The following PPP1R11 variants were observed in gnomAD, a reference collection of about 807,000 sequenced individuals.
The protein encoded by PPP1R11 is protein phosphatase 1 regulatory inhibitor subunit 11, also known as E3 ubiquitin-protein ligase PPP1R11.
Under a neutral mutation model 11.3 loss-of-function variants are expected in PPP1R11, and 10 were observed. That is an observed-to-expected ratio of 0.88 (90% CI 0.55 to 1.50). The LOEUF (loss-of-function observed/expected upper bound fraction) is 1.50. Ranked by LOEUF, PPP1R11 falls within the 40% of genes most tolerant of loss-of-function variation. The probability of loss-of-function intolerance (pLI) is 0.00; values close to 1 mark genes in which losing one functional copy is unlikely to be tolerated. For missense variants in PPP1R11, 114 were observed against 179.1 expected (o/e 0.64, Z 2.07); for synonymous variants, 56 against 62.3 (o/e 0.90, Z 0.48).
At chr6:30,068,430 G>A in intron 1 of PPP1R11, 160 bp from the exon 2 acceptor site, 1 of 547,842 alleles carries the variant, frequency 1.8e-6, no homozygotes, top group Non-Finnish European at 3.2e-6. Flanking sequence ...GACTATCTGA[G>A]GTAAAAGACC....
chr6:30,067,319 T>C lies in PPP1R11; in HGVS notation c.-92T>C. 7.4e-7 allele frequency: 1 copy of C among 1,350,196 alleles called. No individual in the cohort carries two copies. The highest frequency in any genetic ancestry group is 1.2e-5 in the South Asian group (1 of 81,834). 83.6% of individuals were successfully genotyped at this position (1,350,196 alleles called of 1,614,324 possible). A position where few individuals can be genotyped will look rare whatever the true frequency, so the allele number is the denominator to read the frequency against. On this transcript the variant is annotated 5_prime_UTR_variant, in exon 1 of 3. Transcript: ENST00000376772. The stretch of plus-strand genomic sequence containing the variant: ...GGAGGATCCTGGCTACCACTCTGAA[T>C]CCGATACCGCTTCTCTTAGACCTCA...
upstream of PPP1R11, among the ~76,000 whole-genome samples, chr6:30,062,608 C>T (rs9261272): frequency 0.16 from 20,211 of 123,824 alleles, 1,989 homozygotes; most frequent in Middle Eastern, 0.3. Flanking sequence ...TGGAGTGCAG[C>T]GAGGCAATCT....
Position 30,067,409 on chromosome 6 carries a change from C to T in PPP1R11, c.-2C>T. 6.2e-7 allele frequency: 1 copy of T among 1,614,006 alleles called. No individual in the cohort carries two copies. Among genetic ancestry groups the T allele is most frequent in the Non-Finnish European group, 8.5e-7 (1 of 1,179,870 alleles). ...CTCTCCTCCCTGTCCTGAGCCTTAG[C>T]CATGGCCGAGGCAGGGGCTGGGCTG... On this transcript the variant is annotated 5_prime_UTR_variant, in exon 1 of 3. Coordinates refer to ENST00000376772, the MANE Select transcript of PPP1R11 (RefSeq NM_021959.3).
At chr6:30,063,262 G>A (rs1292057699), upstream of PPP1R11, among the ~76,000 whole-genome samples, 1 of 151,818 alleles carries the variant, frequency 6.6e-6, no homozygotes, top group Admixed American at 6.6e-5. This position sits in a 1 kb window ranked among gnomAD's most constrained non-coding sequence, Gnocchi z 4.1. Context: ...ACTAGAAAGA[G>A]GTTTCTCTCT....
At chr6:30,061,971 C>T (rs568420351), upstream of PPP1R11, 23 of 1,613,058 alleles carry the variant, frequency 1.4e-5, no homozygotes, top group South Asian at 2.5e-4. This position sits in a 1 kb window ranked among gnomAD's most constrained non-coding sequence, Gnocchi z 5.0. Flanking sequence ...CTGGGGACAG[C>T]CATGCCTATG....
upstream of PPP1R11, chr6:30,064,669 A>C (rs368173908): frequency 1.2e-6 from 2 of 1,607,428 alleles, no homozygotes; most frequent in African/African-American, 2.7e-5. Flanking sequence ...TTCTTTCCTC[A>C]TAGGTTCCAG....
Position 30,069,371 on chromosome 6 carries a change from C to A in PPP1R11, c.*65C>A. 8.2e-7 allele frequency: 1 copy of A among 1,214,820 alleles called. No individual in the cohort carries two copies. The highest frequency in any genetic ancestry group is 1.1e-6 in the Non-Finnish European group (1 of 870,334). The allele number at this position is 1,214,820 out of a possible 1,614,324, so 75.3% of individuals were successfully genotyped here. A position where few individuals can be genotyped will look rare whatever the true frequency, so the allele number is the denominator to read the frequency against. On this transcript the variant is annotated 3_prime_UTR_variant, in exon 3 of 3. Coordinates refer to ENST00000376772, the MANE Select transcript of PPP1R11 (RefSeq NM_021959.3). This position sits in a 1 kb window ranked among gnomAD's most constrained non-coding sequence, Gnocchi z 6.6. ...TAAATGTATCCATGTGGCTACTTCT[C>A]CAGCCCCCTCCTTCCCTCTCTTCTG...
intron 1 of PPP1R11, 150 bp downstream of exon 1, chr6:30,067,629 T>C: frequency 3.2e-6 from 3 of 930,578 alleles, no homozygotes; most frequent in East Asian, 2.6e-5. Flanking sequence ...TCGGAAGGTA[T>C]TGGAGCTATT....
In PPP1R11 at chr6:30,069,059, CTT is replaced by C. The variant is rs766792952; in HGVS notation, c.179-44_179-43del. 6.6e-7 allele frequency: 1 copy of C among 1,511,898 alleles called. No individual in the cohort carries two copies. Among genetic ancestry groups the C allele is most frequent in the South Asian group, 1.1e-5 (1 of 88,734 alleles). The allele number at this position is 1,511,898 out of a possible 1,614,324, so 93.7% of individuals were successfully genotyped here. A position where few individuals can be genotyped will look rare whatever the true frequency, so the allele number is the denominator to read the frequency against. On this transcript the variant is annotated intron_variant, in intron 2 of 2. Transcript: ENST00000376772. The surrounding 1 kb of genome is among the most constrained non-coding windows in gnomAD (Gnocchi z 6.6). ...AGTGGGAATGGAACTGACTATATAT[CTT>C]ACCCTTCCTCCTCTTTAACTGGGCT...
At chr6:30,062,714 CTTTTTTTTTTT>C (rs9278555), upstream of PPP1R11, among the ~76,000 whole-genome samples, 20 of 42,378 alleles carry the variant, frequency 4.7e-4, no homozygotes, top group Middle Eastern at 0.015. Flanking sequence ...CCACGCCTGG[CTTTTTTTTTTT>C]TTTTTTTTTT....
At chr6:30,062,301 G>A, upstream of PPP1R11, 2 of 1,612,906 alleles carry the variant, frequency 1.2e-6, no homozygotes, top group Middle Eastern at 1.6e-4. Flanking sequence ...CCGATGAAGG[G>A]CAAACTGTCT....
At chr6:30,062,408 G>T (rs1250228429), upstream of PPP1R11, 2 of 1,011,444 alleles carry the variant, frequency 2.0e-6, no homozygotes. Context: ...TTTTTTGTAC[G>T]AAATGGCCGT....
In PPP1R11 at chr6:30,069,520, C is replaced by A; in HGVS notation, c.*214C>A. The A allele has an allele frequency of 2.1e-6, 1 of 478,470 alleles. No individual in the cohort carries two copies. The highest frequency in any genetic ancestry group is 3.7e-6 in the Non-Finnish European group (1 of 272,510). The allele number at this position is 478,470 out of a possible 1,614,324, so 29.6% of individuals were successfully genotyped here. ...ATTTTTCCTCCCAATACCCACCCTT[C>A]TCTCTCGAGGGATCTAGGCACCTTG... On this transcript the variant is annotated 3_prime_UTR_variant, in exon 3 of 3. Transcript: ENST00000376772. This position sits in a 1 kb window ranked among gnomAD's most constrained non-coding sequence, Gnocchi z 6.6.
chr6:30,065,544 C>T (rs747009782), upstream of PPP1R11, among the ~76,000 whole-genome samples: 6 of 151,266 alleles, frequency 4.0e-5, no homozygotes, highest in Non-Finnish European at 7.4e-5. This position sits in a 1 kb window ranked among gnomAD's most constrained non-coding sequence, Gnocchi z 5.3. Flanking sequence ...TGTTAATCAA[C>T]GGTTTATGTT....
upstream of PPP1R11, among the ~76,000 whole-genome samples, chr6:30,064,132 T>A (rs930113656): frequency 1.3e-5 from 2 of 152,182 alleles, no homozygotes; most frequent in African/African-American, 4.8e-5. Flanking sequence ...ATAGGGACAT[T>A]AGTTTTAACT....
chr6:30,062,117 G>C, upstream of PPP1R11: 1 of 1,455,828 alleles, frequency 6.9e-7, no homozygotes, highest in Non-Finnish European at 9.6e-7. Flanking sequence ...AATTCCAAGA[G>C]GGAAAAGAGA....
upstream of PPP1R11, chr6:30,062,172 G>A (rs939122720): frequency 3.1e-5 from 46 of 1,498,732 alleles, no homozygotes; most frequent in Middle Eastern, 8.5e-4. Flanking sequence ...TGATTCCTGT[G>A]GGAAGTAAGG....
Position 30,069,478 on chromosome 6 carries a change from G to T in PPP1R11, c.*172G>T. 1.8e-6 allele frequency: 1 copy of T among 570,060 alleles called. No individual in the cohort carries two copies. Among genetic ancestry groups the T allele is most frequent in the Non-Finnish European group, 2.9e-6 (1 of 342,712 alleles). 35.3% of individuals were successfully genotyped at this position (570,060 alleles called of 1,614,324 possible). On this transcript the variant is annotated 3_prime_UTR_variant, in exon 3 of 3. Coordinates refer to ENST00000376772, the MANE Select transcript of PPP1R11 (RefSeq NM_021959.3). This position sits in a 1 kb window ranked among gnomAD's most constrained non-coding sequence, Gnocchi z 6.6. ...CTGCTATTCCAGAACCCAGCCTCCT[G>T]GGTTTCCCCAGTCCTCATTTTTCCT... is the stretch of plus-strand genomic sequence containing the variant.
upstream of PPP1R11, chr6:30,067,139 A>T (rs1765596654): frequency 2.3e-6 from 1 of 442,178 alleles, no homozygotes. Flanking sequence ...TAATCCAGCG[A>T]CGCCTGCGCT....
Sources: allele counts gnomAD v4.1 joint callset (sites outside exome capture counted in the v4.1 genomes callset), GRCh38; gene constraint gnomAD v4.1.1; non-coding constraint Gnocchi (gnomAD v3.1); transcripts MANE v1.5; gene names NCBI Gene and HGNC (gene_info 2026-07-23, HGNC 2026-07-21).